LACTB2: variants seen among roughly 807,000 people sequenced by gnomAD.
The protein encoded by LACTB2 is endoribonuclease LACTB2.
LACTB2 carries 32 observed loss-of-function variants against 34.8 expected under a neutral mutation model. The ratio of observed to expected loss-of-function variants is 0.92; its 90% CI spans 0.69 to 1.24. The LOEUF (loss-of-function observed/expected upper bound fraction) is 1.24. Ranked by LOEUF, LACTB2 falls within the 50% of genes most tolerant of loss-of-function variation. The pLI is 0.00. For missense variants in LACTB2, 320 were observed against 345.0 expected (o/e 0.93, Z 0.57); for synonymous variants, 120 against 117.5 (o/e 1.02, Z -0.14).
chr8:70,641,215 A>T (rs1456723905), intron 4 of LACTB2, among the ~76,000 whole-genome samples, 165 bp from the exon 5 acceptor site: 3 of 152,240 alleles, frequency 2.0e-5, no homozygotes, highest in Admixed American at 6.5e-5. Flanking sequence ...AAAGAGATTT[A>T]AAAATTATAT....
At position 70,638,572 on chromosome 8, in the gene LACTB2, T is replaced by A. The variant is rs764657254; in HGVS notation, c.799A>T (p.Lys267Ter). Reference protein sequence around the residue: ...AKHNLLLHLKKLEKEGKIFSN... With the variant: ...AKHNLLLHLK ...CATATTTTTCCTTCTTTTTCTAGTTTTTTCAAATGAAGTAAGAGATTATGT... is the reference window on the plus strand; with the variant it reads ...CATATTTTTCCTTCTTTTTCTAGTTATTTCAAATGAAGTAAGAGATTATGT... The change falls in exon 6 of 7, where the codon AAA becomes TAA. Residue 267 changes from lysine to a stop codon, truncating the protein, a stop_gained. Transcript: ENST00000276590. LOFTEE classifies it high-confidence loss of function. 1 of 1,522,288 alleles carries A rather than the reference T, an allele frequency of 6.6e-7. No individual in the cohort carries two copies. Among genetic ancestry groups the A allele is most frequent in the South Asian group, 1.3e-5 (1 of 78,894 alleles). The allele number at this position is 1,522,288 out of a possible 1,614,324, so 94.3% of individuals were successfully genotyped here.
At chr8:70,661,980 A>G (rs1818485902) in intron 1 of LACTB2, 83 bp from the exon 2 acceptor site, 2 of 1,190,472 alleles carry the variant, frequency 1.7e-6, no homozygotes, top group East Asian at 4.9e-5. Flanking sequence ...AATTTACATT[A>G]AAGAAACTGC....
chr8:70,660,764 A>G, intron 2 of LACTB2: 1 of 456,124 alleles, frequency 2.2e-6, no homozygotes, highest in Non-Finnish European at 4.4e-6. Flanking sequence ...ATTTTCCTGC[A>G]TAGCACCCAT....
chr8:70,647,561 G>C (rs1246102931), intron 3 of LACTB2, among the ~76,000 whole-genome samples: 2 of 152,106 alleles, frequency 1.3e-5, no homozygotes, highest in Non-Finnish European at 2.9e-5. Flanking sequence ...CCATGTTTGG[G>C]ATATACTTAA....
At chr8:70,661,658 T>A in intron 2 of LACTB2, 76 bp downstream of exon 2, 1 of 1,336,440 alleles carries the variant, frequency 7.5e-7, no homozygotes, top group East Asian at 2.3e-5. Flanking sequence ...TATAGACTAC[T>A]TAGCTCTGTA....
Position 70,657,879 on chromosome 8 carries a change from G to A in LACTB2, c.290C>T (p.Thr97Ile). Residue 97 changes from threonine to isoleucine, a missense_variant, in exon 3 of 7, where the codon ACT (threonine) becomes ATT (isoleucine). Physicochemically the swap from Thr to Ile is moderately conservative, Grantham distance 89. Transcript: ENST00000276590. Reference protein sequence around the residue: ...GDICKSINNDTTYCIKKLPRN... With the variant: ...GDICKSINNDITYCIKKLPRN... ...TGGGAGTTTTTTAATGCAATAGGTAGTGTCTAGTCATAAAACATATAAAAT... is the reference window on the plus strand; with the variant it reads ...TGGGAGTTTTTTAATGCAATAGGTAATGTCTAGTCATAAAACATATAAAAT... 6.3e-7 allele frequency: 1 copy of A among 1,586,252 alleles called. No homozygotes were observed. Among genetic ancestry groups the A allele is most frequent in the Admixed American group, 1.7e-5 (1 of 58,686 alleles).
intron 5 of LACTB2, 106 bp from the exon 6 acceptor site, chr8:70,638,735 C>G (rs1818155660): frequency 1.1e-6 from 1 of 919,228 alleles, no homozygotes; most frequent in Non-Finnish European, 1.5e-6. Context: ...AAAAGTTTAT[C>G]TTAAACACAT....
At chr8:70,638,747 T>G (rs1045766563) in intron 5 of LACTB2, 118 bp from the exon 6 acceptor site, 9 of 796,486 alleles carry the variant, frequency 1.1e-5, no homozygotes, top group South Asian at 8.7e-5. Flanking sequence ...TAAACACATT[T>G]TTTTTTTTTT....
chr8:70,666,695 T>C (rs1450202894), intron 1 of LACTB2, among the ~76,000 whole-genome samples: 1 of 152,230 alleles, frequency 6.6e-6, no homozygotes, highest in Non-Finnish European at 1.5e-5. Flanking sequence ...GCAAGAGTTG[T>C]GCTGGCTTGG....
At chr8:70,667,379 T>C (rs1395387399) in intron 1 of LACTB2, among the ~76,000 whole-genome samples, 1 of 152,252 alleles carries the variant, frequency 6.6e-6, no homozygotes, top group Non-Finnish European at 1.5e-5. Flanking sequence ...AATATTAACT[T>C]CTAGCCACCT....
intron 1 of LACTB2, among the ~76,000 whole-genome samples, chr8:70,664,218 GCCCCAC>G (rs1181892937): frequency 6.6e-6 from 1 of 152,026 alleles, no homozygotes; most frequent in Non-Finnish European, 1.5e-5. Flanking sequence ...ATCCATCAAG[GCCCCAC>G]CACTTTTAAA....
intron 3 of LACTB2, among the ~76,000 whole-genome samples, chr8:70,645,070 A>G (rs1223665074): frequency 6.6e-6 from 1 of 152,000 alleles, no homozygotes; most frequent in East Asian, 1.9e-4. Flanking sequence ...ATATACACAC[A>G]CACACACATA....
intron 5 of LACTB2, among the ~76,000 whole-genome samples, chr8:70,639,029 C>T (rs905267866): frequency 2.0e-5 from 3 of 151,032 alleles, no homozygotes; most frequent in East Asian, 2.0e-4. Flanking sequence ...TGAGCCACTG[C>T]GCCTGGCCTA....
In LACTB2 at chr8:70,640,886, GA is replaced by G. The variant is rs758667898; in HGVS notation, c.741+15del. The G allele has an allele frequency of 1.3e-6, 2 of 1,559,082 alleles. No individual in the cohort carries two copies. Among genetic ancestry groups the G allele is most frequent in the Non-Finnish European group, 1.7e-6 (2 of 1,156,244 alleles). ...TAAATTTGTGGCTACATACAAATAA[GA>G]AAACTGAAAATTACCTTGTAAATAA... is the stretch of plus-strand genomic sequence containing the variant. On this transcript the variant is annotated intron_variant, in intron 5 of 6. Coordinates refer to ENST00000276590, the MANE Select transcript of LACTB2 (RefSeq NM_016027.3).
intron 4 of LACTB2, among the ~76,000 whole-genome samples, chr8:70,643,607 C>A (rs1456869657): frequency 1.3e-5 from 2 of 152,004 alleles, no homozygotes; most frequent in Non-Finnish European, 2.9e-5. Flanking sequence ...TTCCACCTCC[C>A]AGGTTCAAGC....
chr8:70,669,105 GCA>G lies in LACTB2; in HGVS notation c.14_15del (p.Leu5ProfsTer17). 2 of 1,607,854 alleles carry G rather than the reference GCA, an allele frequency of 1.2e-6. No homozygotes were observed. The highest frequency in any genetic ancestry group is 2.2e-5 in the South Asian group (2 of 90,148). On this transcript the variant is annotated frameshift_variant, in exon 1 of 7. Coordinates refer to ENST00000276590, the MANE Select transcript of LACTB2 (RefSeq NM_016027.3). LOFTEE classifies it high-confidence loss of function. MAAV[L>X]QRVERLSNRV... ...CGATTGGACAGCCGCTCGACGCGCT[GCA>G]GTACAGCAGCCATTCCCGCCTCAGC... is the stretch of plus-strand genomic sequence containing the variant.
At chr8:70,647,282 T>G (rs1015526637) in intron 3 of LACTB2, among the ~76,000 whole-genome samples, 1 of 151,830 alleles carries the variant, frequency 6.6e-6, no homozygotes, top group Non-Finnish European at 1.5e-5. Context: ...AGACAGGGTC[T>G]CGCTCTGTCG....
intron 3 of LACTB2, among the ~76,000 whole-genome samples, chr8:70,647,465 G>A (rs796543169): frequency 9.2e-5 from 14 of 151,956 alleles, no homozygotes; most frequent in African/African-American, 3.4e-4. Context: ...GTTGGCCAGG[G>A]TGGTCTCAAA....
chr8:70,656,745 T>C (rs765746136), intron 3 of LACTB2, among the ~76,000 whole-genome samples: 2 of 152,164 alleles, frequency 1.3e-5, no homozygotes, highest in Non-Finnish European at 2.9e-5. Context: ...ATGGGGATTG[T>C]GTTGAATTTG....
Sources: allele counts gnomAD v4.1 joint callset (sites outside exome capture counted in the v4.1 genomes callset), GRCh38; gene constraint gnomAD v4.1.1; transcripts MANE v1.5; gene names NCBI Gene and HGNC (gene_info 2026-07-23, HGNC 2026-07-21).